Variants in ELP4 observed in about 807,000 individuals in gnomAD.
ELP4 encodes elongator acetyltransferase complex subunit 4, also known as elongator complex protein 4.
Under a neutral mutation model 48.9 loss-of-function variants are expected in ELP4, and 51 were observed. The observed-to-expected ratio is 1.04, with a 90% CI of 0.83 to 1.32. The LOEUF is 1.32. Among genes scored for constraint, ELP4 ranks in the 40% most tolerant of loss-of-function variants. The pLI, the probability that ELP4 is intolerant of heterozygous loss-of-function variation, is 0.00. For missense variants in ELP4, 519 were observed against 514.6 expected (o/e 1.01, Z -0.08); for synonymous variants, 210 against 189.2 (o/e 1.11, Z -0.90).
rs562519435 is a variant in ELP4 at position 31,589,743 on chromosome 11, G to A, written c.382-5027G>A. Among the ~76,000 whole-genome samples, 7 of 152,216 alleles carry A rather than the reference G, an allele frequency of 4.6e-5. No homozygotes were observed. The East Asian group carries it at 5.8e-4, about 13-fold the overall frequency. On this transcript the variant is annotated intron_variant, in intron 3 of 9. Coordinates refer to ENST00000640961, the MANE Select transcript of ELP4 (RefSeq NM_019040.5). ...ATATAGAATTGTCTCCATCAGTTTT[G>A]ACCTTATCAGAAAGGCCATCCTTTA...
chr11:31,579,457 A>G (rs1036627122), intron 3 of ELP4, among the ~76,000 whole-genome samples: 6 of 152,170 alleles, frequency 3.9e-5, no homozygotes, highest in Non-Finnish European at 5.9e-5. Context: ...AGGATTATAA[A>G]TCATGCTGCT....
At chr11:31,712,494 A>T (rs1946762978) in intron 9 of ELP4, among the ~76,000 whole-genome samples, 1 of 152,182 alleles carries the variant, frequency 6.6e-6, no homozygotes, top group Admixed American at 6.5e-5. Flanking sequence ...AAACAATATT[A>T]TATTAATAAA....
intron 8 of ELP4, chr11:31,648,386 A>G (rs1280974419): frequency 1.3e-5 from 2 of 150,836 alleles, no homozygotes; most frequent in African/African-American, 4.9e-5. Flanking sequence ...TGATATAAAC[A>G]CAGCAGAATT....
chr11:31,558,572 A>T (rs1956965279), intron 3 of ELP4, among the ~76,000 whole-genome samples: 1 of 152,140 alleles, frequency 6.6e-6, no homozygotes, highest in South Asian at 2.1e-4. Context: ...ACTTATTTGG[A>T]ATCCAAGCTT....
intron 9 of ELP4, among the ~76,000 whole-genome samples, chr11:31,717,887 A>T (rs936615841): frequency 6.6e-6 from 1 of 152,152 alleles, no homozygotes; most frequent in Admixed American, 6.5e-5. Flanking sequence ...GCTTCTGTTT[A>T]TGGACCTGGG....
chr11:31,662,581 G>A (rs971642297), intron 9 of ELP4: 35 of 397,682 alleles, frequency 8.8e-5, no homozygotes, highest in Non-Finnish European at 1.1e-4. Flanking sequence ...TTTCTGTCTC[G>A]TCATTTACAA....
chr11:31,703,448 A>T (rs1448930895), intron 9 of ELP4, among the ~76,000 whole-genome samples: 1 of 152,234 alleles, frequency 6.6e-6, no homozygotes, highest in East Asian at 1.9e-4. Flanking sequence ...AAGTATGAGT[A>T]AAATATGAAT....
chr11:31,632,404 A>G lies in ELP4; in HGVS notation c.926A>G (p.Gln309Arg). The change falls in exon 7 of 10, where the codon CAG (glutamine) becomes CGG (arginine). Residue 309 changes from glutamine to arginine, a missense_variant and splice_region_variant. Physicochemically the swap from Gln to Arg is conservative, Grantham distance 43. Coordinates refer to ENST00000640961, the MANE Select transcript of ELP4 (RefSeq NM_019040.5). ...CIITMPTHLI[Q>R]NKAIIARVTT... ...ATCACAATGCCAACACATCTGATCC[A>G]GGTACGAAATTTCCAGAACTACTTT... 6.2e-7 allele frequency: 1 copy of G among 1,602,444 alleles called. No individual in the cohort carries two copies. The highest frequency in any genetic ancestry group is 1.1e-5 in the South Asian group (1 of 88,782).
chr11:31,682,837 A>G (rs1292809220), intron 9 of ELP4, among the ~76,000 whole-genome samples: 2 of 152,214 alleles, frequency 1.3e-5, no homozygotes, highest in Non-Finnish European at 2.9e-5. Flanking sequence ...TTTGAGTTGC[A>G]TCTTGAAAGT....
chr11:31,752,454 T>C (rs977041831), intron 9 of ELP4, among the ~76,000 whole-genome samples: 1 of 152,182 alleles, frequency 6.6e-6, no homozygotes, highest in Admixed American at 6.5e-5. Flanking sequence ...GGAGTAAGAA[T>C]GTCCACTCTC....
intron 3 of ELP4, among the ~76,000 whole-genome samples, chr11:31,556,831 T>C (rs908382817): frequency 3.3e-5 from 5 of 151,884 alleles, no homozygotes; most frequent in Admixed American, 2.6e-4. Context: ...AAGTTGTGTT[T>C]TTAAAATTTT....
intron 4 of ELP4, among the ~76,000 whole-genome samples, chr11:31,601,622 ACTT>A (rs569828689): frequency 5.1e-4 from 77 of 152,284 alleles, no homozygotes; most frequent in African/African-American, 1.8e-3. Context: ...TAAAAAGCAT[ACTT>A]TGCTTCTTGG....
chr11:31,578,377 T>C (rs945758514), intron 3 of ELP4, among the ~76,000 whole-genome samples: 6 of 152,208 alleles, frequency 3.9e-5, no homozygotes, highest in Non-Finnish European at 8.8e-5. Flanking sequence ...AGGTAATTTA[T>C]AGATTCAGTG....
intron 7 of ELP4, among the ~76,000 whole-genome samples, chr11:31,642,593 C>T (rs1945121795): frequency 6.6e-6 from 1 of 151,674 alleles, no homozygotes; most frequent in African/African-American, 2.4e-5. Context: ...CTATATGATG[C>T]TAGGCAGATA....
At chr11:31,657,021 T>C (rs1443044750) in intron 9 of ELP4, among the ~76,000 whole-genome samples, 1 of 152,018 alleles carries the variant, frequency 6.6e-6, no homozygotes, top group Non-Finnish European at 1.5e-5. Context: ...ATCACAGCTA[T>C]TTCATTTCCT....
intron 3 of ELP4, among the ~76,000 whole-genome samples, chr11:31,575,604 C>G (rs1957262125): frequency 1.3e-5 from 2 of 152,210 alleles, no homozygotes; most frequent in African/African-American, 2.4e-5. Flanking sequence ...GGCAGACATT[C>G]TACAAACCAG....
At chr11:31,770,494 T>G (rs1734321075) in intron 9 of ELP4, among the ~76,000 whole-genome samples, 1 of 151,894 alleles carries the variant, frequency 6.6e-6, no homozygotes, top group Admixed American at 6.6e-5. Flanking sequence ...GCTGTGTTAT[T>G]TCAACTGTTA....
intron 3 of ELP4, among the ~76,000 whole-genome samples, chr11:31,578,066 C>A (rs566086693): frequency 6.6e-6 from 1 of 152,324 alleles, no homozygotes; most frequent in Non-Finnish European, 1.5e-5. Context: ...AGCCCAAAAT[C>A]TCCTTAAGCT....
chr11:31,734,862 A>T (rs1251312336), intron 9 of ELP4, among the ~76,000 whole-genome samples: 1 of 152,218 alleles, frequency 6.6e-6, no homozygotes, highest in Non-Finnish European at 1.5e-5. Flanking sequence ...AGAAAAATCT[A>T]AAATTCATAT....
Sources: allele counts gnomAD v4.1 joint callset (sites outside exome capture counted in the v4.1 genomes callset), GRCh38; gene constraint gnomAD v4.1.1; transcripts MANE v1.5; gene names NCBI Gene and HGNC (gene_info 2026-07-23, HGNC 2026-07-21).